Variants in FRMD4A observed in about 807,000 individuals in gnomAD.
FRMD4A encodes the protein FERM domain-containing protein 4A.
A neutral mutation model predicts 129.1 loss-of-function variants in FRMD4A; 29 were observed. The ratio of observed to expected loss-of-function variants is 0.22; its 90% CI spans 0.17 to 0.31. FRMD4A has a LOEUF of 0.31. Among genes scored for constraint, FRMD4A ranks in the 10% least tolerant of loss-of-function variants. FRMD4A has a pLI of 1.00. For synonymous variants in FRMD4A, 634 were observed against 571.6 expected, an observed-to-expected ratio of 1.11 and a Z score of -1.56; for missense variants, 1,272 against 1,375.8, an observed-to-expected ratio of 0.92 and a Z score of 1.19.
rs1209049997 is a variant in FRMD4A, at chr10:13,643,968, A to C, written c.*3070T>G. On this transcript the variant is annotated 3_prime_UTR_variant, in exon 25 of 25. Transcript: ENST00000357447. ...ATTATTAAACTAGAGTCCATTTTACACAACTTGTAATAAACTATTGACATT... is the reference window on the plus strand; with the variant it reads ...ATTATTAAACTAGAGTCCATTTTACCCAACTTGTAATAAACTATTGACATT... The C allele has an allele frequency of 6.6e-6, 1 of 152,660 alleles. No homozygotes were observed. Among genetic ancestry groups the C allele is most frequent in the Admixed American group, 6.5e-5 (1 of 15,282 alleles). The allele number at this position is 152,660 out of a possible 1,614,324, so 9.5% of individuals were successfully genotyped here.
At chr10:13,812,893 C>G (rs2093473118) in intron 3 of FRMD4A, among the ~76,000 whole-genome samples, 1 of 152,184 alleles carries the variant, frequency 6.6e-6, no homozygotes, top group South Asian at 2.1e-4. Flanking sequence ...CAAGGTGATA[C>G]GTCAGACCCT....
intron 2 of FRMD4A, among the ~76,000 whole-genome samples, chr10:14,000,668 A>AAAAAAAAAAAG (rs1555009702): frequency 2.7e-5 from 2 of 74,640 alleles, no homozygotes; most frequent in African/African-American, 3.1e-5. Flanking sequence ...AAAAAAAAAA[A>AAAAAAAAAAAG]GAGAAGAAAG....
intron 2 of FRMD4A, among the ~76,000 whole-genome samples, chr10:14,086,552 T>G (rs1479147762): frequency 1.3e-5 from 2 of 152,198 alleles, no homozygotes; most frequent in Non-Finnish European, 2.9e-5. Flanking sequence ...TATTTTATCA[T>G]AAACTCTTCT....
chr10:14,185,985 T>A (rs1226329083), intron 2 of FRMD4A, among the ~76,000 whole-genome samples: 1 of 151,934 alleles, frequency 6.6e-6, no homozygotes, highest in East Asian at 1.9e-4. Context: ...GGCCAGAGGA[T>A]CAACTGTGCA....
chr10:14,009,689 A>T (rs545765421), intron 2 of FRMD4A, among the ~76,000 whole-genome samples: 1 of 152,346 alleles, frequency 6.6e-6, no homozygotes, highest in East Asian at 1.9e-4. Flanking sequence ...GCGCAGACAC[A>T]CATCACGAGT....
chr10:13,914,958 G>A (rs1416874551), intron 2 of FRMD4A, among the ~76,000 whole-genome samples: 1 of 152,146 alleles, frequency 6.6e-6, no homozygotes, highest in Non-Finnish European at 1.5e-5. Context: ...AGGCTGCAGT[G>A]AGCTAGGAAT....
At chr10:14,122,431 G>A (rs903162309) in intron 2 of FRMD4A, among the ~76,000 whole-genome samples, 1 of 152,038 alleles carries the variant, frequency 6.6e-6, no homozygotes, top group Non-Finnish European at 1.5e-5. Flanking sequence ...ACCTGAGATT[G>A]GGTAATTTAT....
intron 3 of FRMD4A, among the ~76,000 whole-genome samples, chr10:13,826,656 G>C (rs931638330): frequency 1.3e-5 from 2 of 152,128 alleles, no homozygotes; most frequent in African/African-American, 4.8e-5. Context: ...GTGGATGACT[G>C]GCAGGTGCAT....
At chr10:14,212,571 C>T (rs1486228914) in intron 2 of FRMD4A, among the ~76,000 whole-genome samples, 8 of 152,150 alleles carry the variant, frequency 5.3e-5, no homozygotes, top group African/African-American at 1.9e-4. Flanking sequence ...ATGAAAAAAA[C>T]GATATACACA....
At chr10:13,654,778 C>G (rs1401451500) in intron 22 of FRMD4A, 2 of 501,946 alleles carry the variant, frequency 4.0e-6, no homozygotes, top group East Asian at 3.3e-5. Flanking sequence ...TCAAGCTGAC[C>G]TGGGATCCTA....
At chr10:13,765,255 C>A (rs2092246596) in intron 6 of FRMD4A, among the ~76,000 whole-genome samples, 1 of 151,730 alleles carries the variant, frequency 6.6e-6, no homozygotes, top group Non-Finnish European at 1.5e-5. Context: ...GCTGAGATTA[C>A]AGGCGCCCAC....
chr10:14,068,527 C>T (rs1406845826), intron 2 of FRMD4A, among the ~76,000 whole-genome samples: 3 of 152,168 alleles, frequency 2.0e-5, no homozygotes, highest in Admixed American at 6.5e-5. Flanking sequence ...TAACTTTGGA[C>T]TGTATTAAGT....
chr10:13,964,383 G>GT (rs1194912543), intron 2 of FRMD4A, among the ~76,000 whole-genome samples: 1 of 150,706 alleles, frequency 6.6e-6, no homozygotes, highest in Non-Finnish European at 1.5e-5. Context: ...GCAATTTATG[G>GT]TAAGTCAGTA....
At chr10:13,679,683 G>A (rs1439673423) in intron 15 of FRMD4A, among the ~76,000 whole-genome samples, 11 of 151,604 alleles carry the variant, frequency 7.3e-5, no homozygotes, top group East Asian at 3.9e-4. Context: ...TCAGGTTGCC[G>A]TATTGTAACG....
intron 2 of FRMD4A, among the ~76,000 whole-genome samples, chr10:14,232,391 T>C (rs571157753): frequency 3.3e-4 from 50 of 152,354 alleles, no homozygotes; most frequent in African/African-American, 1.1e-3. Flanking sequence ...GCCTTTTGCT[T>C]ATAATTGCTT....
Position 13,763,798 on chromosome 10 carries a change from C to T in FRMD4A, c.385-1118G>A, listed in dbSNP as rs530200621. ...TCACCCAAGCTGGAGTGCAGTGGTG[C>T]GATCTTGGCTCACTGCAACCTCCTC... On this transcript the variant is annotated intron_variant, in intron 6 of 24. Coordinates refer to ENST00000357447, the MANE Select transcript of FRMD4A (RefSeq NM_018027.5). 2.0e-5 allele frequency among the ~76,000 whole-genome samples: 3 copies of T among 152,192 alleles called. No homozygotes were observed. In the South Asian group the frequency reaches 6.2e-4, roughly 32 times the overall value.
chr10:13,693,504 C>A (rs2085919412), intron 15 of FRMD4A: 3 of 1,172,306 alleles, frequency 2.6e-6, no homozygotes, highest in Non-Finnish European at 3.2e-6. Flanking sequence ...TGCAGTGTCT[C>A]CTGGCACCAG....
At position 14,130,710 on chromosome 10, in the gene FRMD4A, G is replaced by A. The variant is rs559645593; in HGVS notation, c.45+199348C>T. On this transcript the variant is annotated intron_variant, in intron 2 of 24. Transcript: ENST00000357447. ...GTGATGATCATCGTACCTAAAAACT[G>A]TACATAAGCCGTACAAGCTAAGCAT... Among the ~76,000 whole-genome samples, 3 of 152,302 alleles carry A rather than the reference G, an allele frequency of 2.0e-5. No individual in the cohort carries two copies. In the East Asian group the frequency reaches 5.8e-4, roughly 29 times the overall value.
In FRMD4A at chr10:13,657,282, G is replaced by C; in HGVS notation, c.2307C>G (p.Ser769=). 1 of 1,607,596 alleles carries C rather than the reference G, an allele frequency of 6.2e-7. No homozygotes were observed. The highest frequency in any genetic ancestry group is 8.5e-7 in the Non-Finnish European group (1 of 1,178,846). The change falls in exon 22 of 25, where the codon TCC becomes TCG. Residue 769 remains serine (S), a synonymous_variant. Coordinates refer to ENST00000357447, the MANE Select transcript of FRMD4A (RefSeq NM_018027.5). ...TGGACGGCGAGTCCTCGGCCAGCGTGGAGTAGTTGGCGTTCATCTGCGCCG... is the reference window on the plus strand; with the variant it reads ...TGGACGGCGAGTCCTCGGCCAGCGTCGAGTAGTTGGCGTTCATCTGCGCCG... ...YYPAQMNANY[S]TLAEDSPSKA...
Sources: allele counts gnomAD v4.1 joint callset (sites outside exome capture counted in the v4.1 genomes callset), GRCh38; gene constraint gnomAD v4.1.1; transcripts MANE v1.5; gene names NCBI Gene and HGNC (gene_info 2026-07-23, HGNC 2026-07-21).